GRM7: variants seen among roughly 807,000 people sequenced by gnomAD.
GRM7 encodes metabotropic glutamate receptor 7.
Under a neutral mutation model 84.5 loss-of-function variants are expected in GRM7, and 35 were observed. The observed-to-expected ratio is 0.41, with a 90% CI of 0.32 to 0.55. GRM7 has a LOEUF of 0.55. Among genes scored for constraint, GRM7 ranks in the 20% least tolerant of loss-of-function variants. The pLI is 0.19. For missense variants in GRM7, 1,003 were observed against 1,194.6 expected (o/e 0.84, Z 2.36); for synonymous variants, 487 against 455.1 (o/e 1.07, Z -0.89).
At chr3:6,891,558 G>C (rs973076889) in intron 1 of GRM7, among the ~76,000 whole-genome samples, 24 of 152,076 alleles carry the variant, frequency 1.6e-4, no homozygotes, top group African/African-American at 5.8e-4. Context: ...TTGAATATTG[G>C]CCCCCACTCT....
At chr3:7,484,556 A>G (rs1342265125) in intron 7 of GRM7, among the ~76,000 whole-genome samples, 2 of 152,192 alleles carry the variant, frequency 1.3e-5, no homozygotes, top group African/African-American at 4.8e-5. Flanking sequence ...TGTAAAGATA[A>G]TCAAAGAAAG....
chr3:7,559,575 A>G (rs1482830791), intron 7 of GRM7, among the ~76,000 whole-genome samples: 1 of 152,076 alleles, frequency 6.6e-6, no homozygotes, highest in Non-Finnish European at 1.5e-5. Context: ...GTCTCCCAAC[A>G]TGTTTCTAAT....
rs147147725 is a variant in GRM7, at chr3:7,512,562, A to T, written c.1515+50840A>T. On this transcript the variant is annotated intron_variant, in intron 7 of 9. Transcript: ENST00000357716. ...TTTGGAAGAAAATGGATATGTAGGG[A>T]TCTTGTTTATGTTTTTGTTTTAGAT... Among the ~76,000 whole-genome samples, 40 of 146,424 alleles carry T rather than the reference A, an allele frequency of 2.7e-4. No homozygotes were observed. In the East Asian group the frequency reaches 5.9e-3, roughly 22 times the overall value.
At chr3:7,377,249 T>C (rs1402147002) in intron 4 of GRM7, among the ~76,000 whole-genome samples, 2 of 152,148 alleles carry the variant, frequency 1.3e-5, no homozygotes, top group Non-Finnish European at 2.9e-5. Flanking sequence ...TCAAGTCAAA[T>C]GTGTAGAGTG....
chr3:6,929,502 TCA>T (rs1697422984), intron 1 of GRM7, among the ~76,000 whole-genome samples: 1 of 152,184 alleles, frequency 6.6e-6, no homozygotes, highest in Non-Finnish European at 1.5e-5. Context: ...CTGCTGTATA[TCA>T]CACAGTAGGT....
At chr3:7,322,587 C>T (rs1575166269) in intron 4 of GRM7, among the ~76,000 whole-genome samples, 2 of 151,756 alleles carry the variant, frequency 1.3e-5, no homozygotes, top group South Asian at 2.1e-4. Context: ...CCCCAAAGTC[C>T]ATTAAATCAT....
chr3:7,344,441 G>A (rs1438748377), intron 4 of GRM7, among the ~76,000 whole-genome samples: 1 of 152,062 alleles, frequency 6.6e-6, no homozygotes, highest in Non-Finnish European at 1.5e-5. Flanking sequence ...TTTTATGGCT[G>A]CATAGTATTC....
At chr3:7,352,057 C>CCACACACCA (rs1553565353) in intron 4 of GRM7, among the ~76,000 whole-genome samples, 11 of 136,894 alleles carry the variant, frequency 8.0e-5, no homozygotes, top group African/African-American at 3.1e-4. Flanking sequence ...CACACACACA[C>CCACACACCA]CACACACACA....
rs1272023393 is a variant in GRM7 at position 7,579,241 on chromosome 3, G to T, written c.2335G>T (p.Gly779Cys). Residue 779 changes from glycine to cysteine, a missense_variant, in exon 8 of 10, where the codon GGT becomes TGT. Gly to Cys is a radical substitution (Grantham distance 159). Around this residue, in one of 2 missense-constraint regions of GRM7, gnomAD observed 910 missense variants for 1,126.0 expected, o/e 0.81. Transcript: ENST00000357716. Reference sequence around the variant, plus strand: ...TACTGTGTATGCCATCAAGACTCGGGGTGTACCCGAGAATTTTAACGAAGC... The same window carrying T: ...TACTGTGTATGCCATCAAGACTCGGTGTGTACCCGAGAATTTTAACGAAGC... ...TCTVYAIKTR[G>C]VPENFNEAKP... 1 of 1,613,538 alleles carries T rather than the reference G, an allele frequency of 6.2e-7. No individual in the cohort carries two copies. Among genetic ancestry groups the T allele is most frequent in the Non-Finnish European group, 8.5e-7 (1 of 1,179,544 alleles).
chr3:6,908,007 A>G (rs529101208), intron 1 of GRM7, among the ~76,000 whole-genome samples: 1 of 152,180 alleles, frequency 6.6e-6, no homozygotes, highest in Admixed American at 6.6e-5. Flanking sequence ...AGGAAAGAAG[A>G]TTACATATAC....
intron 7 of GRM7, among the ~76,000 whole-genome samples, chr3:7,571,281 G>C (rs1297392481): frequency 6.6e-6 from 1 of 152,008 alleles, no homozygotes; most frequent in South Asian, 2.1e-4. Flanking sequence ...CTTTTTTATT[G>C]CATTGCCAGG....
At chr3:7,349,672 G>T (rs1037582165) in intron 4 of GRM7, among the ~76,000 whole-genome samples, 5 of 152,110 alleles carry the variant, frequency 3.3e-5, no homozygotes, top group African/African-American at 1.2e-4. Flanking sequence ...CTGGAACGAG[G>T]TGTATTATTT....
chr3:7,561,447 T>C, intron 7 of GRM7: 1 of 453,746 alleles, frequency 2.2e-6, no homozygotes, highest in Non-Finnish European at 4.4e-6. Flanking sequence ...GCTCAGTGAA[T>C]GGCCTTTGAT....
chr3:7,437,453 C>T (rs1251009142), intron 5 of GRM7, among the ~76,000 whole-genome samples: 1 of 152,156 alleles, frequency 6.6e-6, no homozygotes, highest in Non-Finnish European at 1.5e-5. Context: ...ACTGCTACCG[C>T]TGCAGTCCAA....
intron 1 of GRM7, among the ~76,000 whole-genome samples, chr3:7,084,729 C>T (rs1247865985): frequency 1.3e-5 from 2 of 152,088 alleles, no homozygotes; most frequent in Non-Finnish European, 2.9e-5. Context: ...TTTAATAAAT[C>T]AGTTTTAGTT....
intron 8 of GRM7, among the ~76,000 whole-genome samples, chr3:7,617,005 AGT>A (rs1475488612): frequency 1.3e-5 from 2 of 152,132 alleles, no homozygotes; most frequent in African/African-American, 2.4e-5. Flanking sequence ...AAACAGTGTT[AGT>A]GACTTACTGT....
chr3:7,024,615 TGAC>T (rs1695910260), intron 1 of GRM7, among the ~76,000 whole-genome samples: 1 of 152,322 alleles, frequency 6.6e-6, no homozygotes. Flanking sequence ...ATGCCGAGTG[TGAC>T]GACACATGAC....
intron 1 of GRM7, among the ~76,000 whole-genome samples, chr3:6,891,653 G>C (rs1213308928): frequency 6.6e-6 from 1 of 152,076 alleles, no homozygotes; most frequent in African/African-American, 2.4e-5. Flanking sequence ...TTTCTCTCTG[G>C]CTGCCCTTAA....
At chr3:7,654,481 T>C (rs1218209934) in intron 8 of GRM7, among the ~76,000 whole-genome samples, 2 of 152,222 alleles carry the variant, frequency 1.3e-5, no homozygotes, top group Non-Finnish European at 2.9e-5. Flanking sequence ...ATGGAGGGAA[T>C]CAGAAGCTGT....
Sources: gnomAD v4.1 joint callset for allele counts (sites outside exome capture counted in the v4.1 genomes callset) on GRCh38, gnomAD v4.1.1 for gene constraint, gnomAD v4.1.1 regional missense constraint, MANE v1.5 for transcripts, NCBI Gene and HGNC (gene_info 2026-07-23, HGNC 2026-07-21) for gene names.